Variants in ABCA13 observed in about 807,000 individuals in gnomAD.
The protein encoded by ABCA13 is ATP binding cassette subfamily A member 13.
ABCA13 carries 476 observed loss-of-function variants against 478.7 expected under a neutral mutation model. The observed-to-expected ratio is 0.99, with a 90% CI of 0.92 to 1.07. ABCA13 has a LOEUF of 1.07. Among genes scored for constraint, ABCA13 ranks in the 50% least tolerant of loss-of-function variants. The pLI is 0.00. For missense variants in ABCA13, 6,060 were observed against 5,910.6 expected (o/e 1.03, Z -0.83); for synonymous variants, 2,252 against 2,158.9 (o/e 1.04, Z -1.20).
intron 42 of ABCA13, among the ~76,000 whole-genome samples, chr7:48,449,484 AG>A (rs1049173597): frequency 2.6e-5 from 4 of 152,228 alleles, no homozygotes; most frequent in African/African-American, 9.6e-5. Context: ...CCTATCTAAC[AG>A]GGAAGAAAAT....
At chr7:48,604,584 T>C (rs1791269342) in intron 58 of ABCA13, among the ~76,000 whole-genome samples, 1 of 152,230 alleles carries the variant, frequency 6.6e-6, no homozygotes, top group African/African-American at 2.4e-5. Flanking sequence ...GATTGCACTG[T>C]GGTCTGAGAG....
rs779934862 is a variant in ABCA13 at position 48,372,168 on chromosome 7, T to C, written c.10804T>C (p.Tyr3602His). 2 of 1,610,256 alleles carry C rather than the reference T, an allele frequency of 1.2e-6. No homozygotes were observed. The highest frequency in any genetic ancestry group is 1.7e-5 in the Admixed American group (1 of 59,732). The change falls in exon 33 of 62, where the codon TAT (tyrosine) becomes CAT (histidine). Residue 3602 changes from tyrosine to histidine, a missense_variant and splice_region_variant. Tyr to His is a moderately conservative substitution (Grantham distance 83). Coordinates refer to ENST00000435803, the MANE Select transcript of ABCA13 (RefSeq NM_152701.5). ...VYEQEIQIEE[Y>H]MRMMGVHPVI... ...CTTGGGTTTTTTCTCTTTTTGGTAG[T>C]ATATGCGGATGATGGGAGTGCATCC...
At chr7:48,179,080 C>T (rs913546541) in intron 1 of ABCA13, among the ~76,000 whole-genome samples, 3 of 151,662 alleles carry the variant, frequency 2.0e-5, no homozygotes, top group Admixed American at 6.6e-5. Context: ...ATGCAGGTCT[C>T]CTTGGGAAGC....
intron 51 of ABCA13, among the ~76,000 whole-genome samples, chr7:48,511,425 TCAGA>T (rs1210849386): frequency 2.0e-5 from 3 of 152,140 alleles, no homozygotes; most frequent in African/African-American, 4.8e-5. Context: ...CTGCCCTGTC[TCAGA>T]CAGGCCCTTG....
intron 3 of ABCA13, among the ~76,000 whole-genome samples, chr7:48,215,890 C>G (rs1160340857): frequency 1.3e-5 from 2 of 152,148 alleles, no homozygotes; most frequent in Non-Finnish European, 2.9e-5. Flanking sequence ...TGCCTTCTTT[C>G]ACTTAGCACG....
chr7:48,480,996 A>G (rs1286472175), intron 45 of ABCA13, 40 bp from the exon 46 acceptor site: 1 of 1,352,320 alleles, frequency 7.4e-7, no homozygotes, highest in East Asian at 2.5e-5. Context: ...TTTGTGAATT[A>G]TAAAAAAGTT....
intron 12 of ABCA13, 113 bp from the exon 13 acceptor site, chr7:48,245,750 G>T (rs1196939113): frequency 4.9e-6 from 7 of 1,440,118 alleles, no homozygotes; most frequent in Non-Finnish European, 6.5e-6. Context: ...AAAACTTTAT[G>T]TTGTGTTTAA....
intron 48 of ABCA13, among the ~76,000 whole-genome samples, chr7:48,502,558 C>T (rs190352435): frequency 2.6e-5 from 4 of 152,256 alleles, no homozygotes; most frequent in Admixed American, 2.6e-4. Context: ...GCCCTGTATC[C>T]TTCCCACTGT....
chr7:48,527,517 G>A (rs1832961825), intron 54 of ABCA13, among the ~76,000 whole-genome samples: 1 of 152,188 alleles, frequency 6.6e-6, no homozygotes, highest in African/African-American at 2.4e-5. Flanking sequence ...CTCAGGCACA[G>A]TATATGCTGA....
chr7:48,342,573 C>T (rs1293112722), intron 29 of ABCA13, among the ~76,000 whole-genome samples: 2 of 151,988 alleles, frequency 1.3e-5, no homozygotes, highest in African/African-American at 2.4e-5. Context: ...TTATGAGAAT[C>T]CTCTTTTGGC....
chr7:48,563,654 A>T (rs1786693545), intron 55 of ABCA13, among the ~76,000 whole-genome samples: 1 of 152,162 alleles, frequency 6.6e-6, no homozygotes, highest in Non-Finnish European at 1.5e-5. Flanking sequence ...TGTCAGGTAC[A>T]GATTTTGTAA....
intron 55 of ABCA13, among the ~76,000 whole-genome samples, chr7:48,555,287 T>C (rs1468125723): frequency 4.0e-5 from 6 of 151,872 alleles, no homozygotes; most frequent in Admixed American, 3.9e-4. Flanking sequence ...TATTGGCACA[T>C]AGTTTTCTTT....
intron 15 of ABCA13, among the ~76,000 whole-genome samples, chr7:48,267,262 C>G (rs891724638): frequency 1.3e-5 from 2 of 151,988 alleles, no homozygotes; most frequent in African/African-American, 4.8e-5. Context: ...GCATTGAAAT[C>G]TCTTGACTAT....
At chr7:48,506,536 C>T (rs1035217975) in intron 49 of ABCA13, 146 bp downstream of exon 49, 1 of 830,988 alleles carries the variant, frequency 1.2e-6, no homozygotes, top group African/African-American at 1.8e-5. Flanking sequence ...AGGACTTGGG[C>T]ATTTCTTTGC....
intron 20 of ABCA13, among the ~76,000 whole-genome samples, chr7:48,292,794 C>A (rs1480775641): frequency 6.6e-6 from 1 of 152,212 alleles, no homozygotes. Flanking sequence ...GACCAGTTTG[C>A]CCCTACAGCT....
intron 26 of ABCA13, among the ~76,000 whole-genome samples, chr7:48,314,664 C>T (rs1164025445): frequency 6.6e-6 from 1 of 152,086 alleles, no homozygotes; most frequent in Non-Finnish European, 1.5e-5. Context: ...CACCTGAAAC[C>T]CCAGCCCCAT....
At chr7:48,346,503 C>T (rs1274765529) in intron 29 of ABCA13, among the ~76,000 whole-genome samples, 1 of 151,394 alleles carries the variant, frequency 6.6e-6, no homozygotes, top group Non-Finnish European at 1.5e-5. Flanking sequence ...ATCTCCACTT[C>T]TCCATTAAAA....
At chr7:48,189,360 G>GGGTGAT (rs780143555) in intron 1 of ABCA13, among the ~76,000 whole-genome samples, 42,952 of 151,862 alleles carry the variant, frequency 0.28, 6,679 homozygotes, top group East Asian at 0.48. Context: ...TCTTATGAAA[G>GGGTGAT]CCACTCACAC....
chr7:48,326,374 C>G (rs1304325416), intron 27 of ABCA13, among the ~76,000 whole-genome samples: 2 of 152,162 alleles, frequency 1.3e-5, no homozygotes, highest in African/African-American at 4.8e-5. Flanking sequence ...TAATAACTAG[C>G]CGGCTGTAAA....
Sources: allele counts gnomAD v4.1 joint callset (sites outside exome capture counted in the v4.1 genomes callset), GRCh38; gene constraint gnomAD v4.1.1; transcripts MANE v1.5; gene names NCBI Gene and HGNC (gene_info 2026-07-23, HGNC 2026-07-21).